MRE11: variants seen among roughly 807,000 people sequenced by gnomAD.
The protein encoded by MRE11 is double-strand break repair protein MRE11.
MRE11 carries 62 observed loss-of-function variants against 91.7 expected under a neutral mutation model. That is an observed-to-expected ratio of 0.68 (90% CI 0.55 to 0.84). MRE11 has a LOEUF of 0.84. Among genes scored for constraint, MRE11 ranks in the 40% least tolerant of loss-of-function variants. The pLI, the probability that MRE11 is intolerant of heterozygous loss-of-function variation, is 0.00. For missense variants in MRE11, 796 were observed against 852.9 expected, an observed-to-expected ratio of 0.93 and a Z score of 0.83; for synonymous variants, 273 against 271.4, an observed-to-expected ratio of 1.01 and a Z score of -0.06.
rs1482890077 is a variant in MRE11 at position 94,486,065 on chromosome 11, C to G, written c.173G>C (p.Gly58Ala). 1 of 1,613,484 alleles carries G rather than the reference C, an allele frequency of 6.2e-7. No individual in the cohort carries two copies. Among genetic ancestry groups the G allele is most frequent in the Non-Finnish European group, 8.5e-7 (1 of 1,179,814 alleles). The change falls in exon 4 of 20, where the codon GGT (glycine) becomes GCT (alanine). Residue 58 changes from glycine to alanine, a missense_variant. By Grantham distance (60) the Gly-to-Ala change is moderately conservative (BLOSUM62 0). Coordinates refer to ENST00000323929, the MANE Select transcript of MRE11 (RefSeq NM_005591.4). ...CTTATTTTCATGAAAAAGATCACCA[C>G]CTAACAAAATAAAATCCACCTGATC... ...QENEVDFILL[G>A]GDLFHENKPS...
chr11:94,421,191 C>T (rs1453891587), intron 19 of MRE11, among the ~76,000 whole-genome samples: 1 of 152,116 alleles, frequency 6.6e-6, no homozygotes, highest in Non-Finnish European at 1.5e-5. Flanking sequence ...AAAACCAATT[C>T]TTACGTATTC....
intron 14 of MRE11, among the ~76,000 whole-genome samples, chr11:94,452,895 A>AT (rs1306778472): frequency 1.3e-5 from 2 of 152,148 alleles, no homozygotes; most frequent in African/African-American, 2.4e-5. Flanking sequence ...CATTATGTAC[A>AT]TTCACATGGT....
chr11:94,473,383 T>G (rs1946767487), intron 7 of MRE11: 1 of 152,152 alleles, frequency 6.6e-6, no homozygotes, highest in South Asian at 2.1e-4. Context: ...GACTGTAATT[T>G]GTGACCTAGA....
intron 14 of MRE11, among the ~76,000 whole-genome samples, chr11:94,452,023 T>C (rs532229294): frequency 4.6e-5 from 7 of 152,096 alleles, no homozygotes; most frequent in African/African-American, 1.4e-4. Context: ...CTGACCACCA[T>C]GGTGAAACCC....
At position 94,420,204 on chromosome 11, in the gene MRE11, T is replaced by C. The variant is rs142331797; in HGVS notation, c.2071-23A>G. ...ATCCTGAAATGAGATACAAATGTTG[T>C]ATTAGTGATTGTTCCCTGCTTCACT... On this transcript the variant is annotated intron_variant, in intron 19 of 19. Transcript: ENST00000323929. 328 of 1,567,048 alleles carry C rather than the reference T, an allele frequency of 2.1e-4. No homozygotes were observed. In the East Asian group the frequency reaches 5.9e-3, roughly 28 times the overall value.
At chr11:94,486,904 G>A (rs1299184874) in intron 3 of MRE11, among the ~76,000 whole-genome samples, 1 of 152,164 alleles carries the variant, frequency 6.6e-6, no homozygotes, top group Non-Finnish European at 1.5e-5. Context: ...CGTATACGAT[G>A]CACCTAAAGA....
intron 15 of MRE11, among the ~76,000 whole-genome samples, 162 bp downstream of exon 15, chr11:94,447,057 C>T (rs1385692744): frequency 1.3e-5 from 2 of 152,134 alleles, no homozygotes; most frequent in Non-Finnish European, 2.9e-5. Context: ...AGGCACATGT[C>T]AGAACTGCCT....
At chr11:94,456,515 TAAAA>T (rs3832746) in intron 13 of MRE11, among the ~76,000 whole-genome samples, 177 bp from the exon 14 acceptor site, 2 of 149,730 alleles carry the variant, frequency 1.3e-5, no homozygotes, top group Non-Finnish European at 1.5e-5. Context: ...AATGTACTCT[TAAAA>T]AAAAAAACTC....
chr11:94,471,712 T>G lies in MRE11; in HGVS notation c.707A>C (p.Asp236Ala), dbSNP rs1591695442. 6.2e-6 allele frequency: 10 copies of G among 1,612,606 alleles called. No homozygotes were observed. Among genetic ancestry groups the G allele is most frequent in the Non-Finnish European group, 8.5e-6 (10 of 1,179,062 alleles). The change falls in exon 8 of 20, where the codon GAC becomes GCC. Residue 236 changes from aspartate (D) to alanine (A), a missense_variant. Physicochemically the swap from Asp to Ala is moderately radical, Grantham distance 126. Transcript: ENST00000323929. ...GCCCCAGATAACAAGATCAATGAAG[T>G]CATCCAAAAATTGTTCTGGAATGAA... Reference protein sequence around the residue: ...TNFIPEQFLDDFIDLVIWGHE... With the variant: ...TNFIPEQFLDAFIDLVIWGHE...
At chr11:94,497,645 A>G (rs1313160267), upstream of MRE11, 1 of 158,294 alleles carries the variant, frequency 6.3e-6, no homozygotes, top group Non-Finnish European at 1.4e-5. Context: ...TTCTTCTGTT[A>G]AAAGTTTTAT....
Position 94,461,049 on chromosome 11 carries a change from A to C in MRE11, c.1226-13T>G, listed in dbSNP as rs1359988058. The C allele has an allele frequency of 1.3e-6, 2 of 1,594,548 alleles. No individual in the cohort carries two copies. Among genetic ancestry groups the C allele is most frequent in the Non-Finnish European group, 8.6e-7 (1 of 1,164,390 alleles). ...TTGATCTCTTCTCCTAGAAAAAAAG[A>C]AGTATATCAAAAAATAGCTTCTATC... On this transcript the variant is annotated splice_polypyrimidine_tract_variant and intron_variant, in intron 11 of 19. Transcript: ENST00000323929.
At chr11:94,495,131 A>G (rs1947394318), upstream of MRE11, among the ~76,000 whole-genome samples, 1 of 152,222 alleles carries the variant, frequency 6.6e-6, no homozygotes, top group South Asian at 2.1e-4. Flanking sequence ...CATGAGTAAT[A>G]CATTTAAACT....
upstream of MRE11, chr11:94,498,144 C>G: frequency 1.9e-6 from 3 of 1,614,106 alleles, no homozygotes; most frequent in Non-Finnish European, 2.5e-6. Context: ...GAGTATACCC[C>G]TCTTCATCGA....
chr11:94,466,554 C>T (rs759436685), intron 10 of MRE11: 3 of 518,364 alleles, frequency 5.8e-6, no homozygotes, highest in Middle Eastern at 3.2e-4. Context: ...CGACAAAACC[C>T]GCAAATACTT....
rs13447764 is a variant in MRE11 at position 94,417,127 on chromosome 11, C to T, written c.*2998G>A. On this transcript the variant is annotated 3_prime_UTR_variant, in exon 20 of 20. Coordinates refer to ENST00000323929, the MANE Select transcript of MRE11 (RefSeq NM_005591.4). ...GAGTAGCTAAGATTACAGGCACACA[C>T]CACCATGCCCAGCTAATCTTTTGTA... 893 of 158,816 alleles carry T rather than the reference C, an allele frequency of 5.6e-3. 14 individuals carry two copies. The highest frequency in any genetic ancestry group is 0.019 in the African/African-American group (804 of 41,760). 9.8% of individuals were successfully genotyped at this position (158,816 alleles called of 1,614,324 possible).
In MRE11 at chr11:94,420,158, C is replaced by G. The variant is rs876660351; in HGVS notation, c.2094G>C (p.Met698Ile). ...SSEDDDDDPF[M>I]NTSSLRRNRR Reference sequence around the variant, plus strand: ...TATTTCTTCTTAAAGAACTAGTGTTCATAAAAGGATCATCATCATCATCCT... The same window carrying G: ...TATTTCTTCTTAAAGAACTAGTGTTGATAAAAGGATCATCATCATCATCCT... The change falls in exon 20 of 20, where the codon ATG becomes ATC. Residue 698 changes from methionine to isoleucine, a missense_variant. By Grantham distance (10) the Met-to-Ile change is conservative (BLOSUM62 1). Coordinates refer to ENST00000323929, the MANE Select transcript of MRE11 (RefSeq NM_005591.4). 3.8e-6 allele frequency: 6 copies of G among 1,581,480 alleles called. No homozygotes were observed. Among genetic ancestry groups the G allele is most frequent in the Non-Finnish European group, 5.2e-6 (6 of 1,156,592 alleles).
chr11:94,458,127 A>T (rs1411670311), intron 13 of MRE11, among the ~76,000 whole-genome samples: 3 of 151,880 alleles, frequency 2.0e-5, no homozygotes, highest in Admixed American at 2.0e-4. Context: ...ACACATTGAC[A>T]CCATAAGGCT....
intron 8 of MRE11, 37 bp from the exon 9 acceptor site, chr11:94,470,679 A>C (rs773648530): frequency 1.2e-6 from 2 of 1,607,184 alleles, no homozygotes; most frequent in South Asian, 2.2e-5. Context: ...GTCACAGTGT[A>C]AATTTCCTCA....
In MRE11 at chr11:94,445,885, C is replaced by G. The variant is rs587781951; in HGVS notation, c.1792G>C (p.Gly598Arg). ...GGSQRGRADT[G>R]LETSTRSRNS... ...CTGCTACGGGTAGAAGTCTCCAGAC[C>G]AGTGTCTGCTGTTAGAAAAATGAAC... The change falls in exon 16 of 20, where the codon GGT (glycine) becomes CGT (arginine). Residue 598 changes from glycine (G) to arginine (R), a missense_variant. Coordinates refer to ENST00000323929, the MANE Select transcript of MRE11 (RefSeq NM_005591.4). 6.2e-7 allele frequency: 1 copy of G among 1,613,124 alleles called. No homozygotes were observed. Among genetic ancestry groups the G allele is most frequent in the African/African-American group, 1.3e-5 (1 of 74,884 alleles).
Sources: gnomAD v4.1 joint callset for allele counts (sites outside exome capture counted in the v4.1 genomes callset) on GRCh38, gnomAD v4.1.1 for gene constraint, MANE v1.5 for transcripts, NCBI Gene and HGNC (gene_info 2026-07-23, HGNC 2026-07-21) for gene names.